The following TAF2 variants were observed in gnomAD, a reference collection of about 807,000 sequenced individuals.
The protein encoded by TAF2 is TATA-box binding protein associated factor 2, also known as transcription initiation factor TFIID subunit 2.
TAF2 carries 61 observed loss-of-function variants against 138.5 expected under a neutral mutation model. The ratio of observed to expected loss-of-function variants is 0.44; its 90% CI spans 0.36 to 0.54. The LOEUF is 0.54. Ranked by LOEUF, TAF2 falls within the 20% of genes least tolerant of loss-of-function variation. TAF2 has a pLI of 0.00. For synonymous variants in TAF2, 475 were observed against 469.9 expected, an observed-to-expected ratio of 1.01 and a Z score of -0.14; for missense variants, 1,090 against 1,427.9, an observed-to-expected ratio of 0.76 and a Z score of 3.81.
rs1452296452 is a variant in TAF2 at position 119,797,963 on chromosome 8, T to C, written c.793-117A>G. 3 of 993,138 alleles carry C rather than the reference T, an allele frequency of 3.0e-6. No individual in the cohort carries two copies. The Admixed American group carries it at 7.4e-5, about 24-fold the overall frequency. 61.5% of individuals were successfully genotyped at this position (993,138 alleles called of 1,614,324 possible). On this transcript the variant is annotated intron_variant, in intron 6 of 25. Coordinates refer to ENST00000378164, the MANE Select transcript of TAF2 (RefSeq NM_003184.4). ...CTCATAAATCTATTCTTTAATAATT[T>C]CAAGATGCTGAAAGAAAATGTTGTG... is the stretch of plus-strand genomic sequence containing the variant.
chr8:119,768,591 T>C (rs901338352), intron 18 of TAF2, among the ~76,000 whole-genome samples: 1 of 152,188 alleles, frequency 6.6e-6, no homozygotes, highest in Non-Finnish European at 1.5e-5. Context: ...TATGGTCAAT[T>C]TGGGGGAATG....
chr8:119,799,312 C>T (rs1230167742), intron 6 of TAF2, among the ~76,000 whole-genome samples: 1 of 152,004 alleles, frequency 6.6e-6, no homozygotes, highest in African/African-American at 2.4e-5. Flanking sequence ...CCCCATCCCC[C>T]CACCCCACGA....
intron 2 of TAF2, among the ~76,000 whole-genome samples, chr8:119,821,634 A>G (rs1177724671): frequency 2.6e-5 from 4 of 152,222 alleles, no homozygotes; most frequent in African/African-American, 7.2e-5. Flanking sequence ...CCCTGTATTC[A>G]AATCCTAGCT....
chr8:119,826,803 G>A (rs1270755847), intron 2 of TAF2, among the ~76,000 whole-genome samples: 1 of 152,078 alleles, frequency 6.6e-6, no homozygotes, highest in Non-Finnish European at 1.5e-5. Context: ...ATGTTGGCCG[G>A]TCTGGTCTCA....
chr8:119,761,119 T>C (rs1322391144), intron 19 of TAF2, among the ~76,000 whole-genome samples: 1 of 152,184 alleles, frequency 6.6e-6, no homozygotes, highest in Admixed American at 6.5e-5. Flanking sequence ...CAAGCTCCAT[T>C]TATCTTATGG....
chr8:119,811,369 A>AGAAGTAAACTTTTATG lies in TAF2; in HGVS notation c.300-4984_300-4969dup, dbSNP rs909837239. Among the ~76,000 whole-genome samples the AGAAGTAAACTTTTATG allele has an allele frequency of 9.1e-3, 1,378 of 152,182 alleles. 19 individuals carry two copies. Among genetic ancestry groups the AGAAGTAAACTTTTATG allele is most frequent in the African/African-American group, 0.032 (1,311 of 41,480 alleles). ...TCCCTCTATTTAAAAAATTTTTTAT[A>AGAAGTAAACTTTTATG]GAAGTAAACTTTTATGGAAGTAAAC... On this transcript the variant is annotated intron_variant, in intron 3 of 25. Transcript: ENST00000378164.
intron 1 of TAF2, among the ~76,000 whole-genome samples, 156 bp from the exon 2 acceptor site, chr8:119,831,887 G>A (rs1826471588): frequency 6.6e-6 from 1 of 152,172 alleles, no homozygotes; most frequent in African/African-American, 2.4e-5. Context: ...GGGGCCTGGT[G>A]CGGTGGCTCA....
chr8:119,804,795 G>T (rs999435471), intron 4 of TAF2, among the ~76,000 whole-genome samples: 1 of 152,026 alleles, frequency 6.6e-6, no homozygotes, highest in Non-Finnish European at 1.5e-5. Flanking sequence ...ACTTAACCCT[G>T]GGTGACTTTG....
At chr8:119,749,521 C>T (rs991405435) in intron 22 of TAF2, among the ~76,000 whole-genome samples, 3 of 152,066 alleles carry the variant, frequency 2.0e-5, no homozygotes, top group South Asian at 2.1e-4. Flanking sequence ...ATGGTTGTCA[C>T]GTTAGTACAT....
At position 119,787,026 on chromosome 8, in the gene TAF2, T is replaced by C. The variant is rs188262157; in HGVS notation, c.1793+1312A>G. ...ACTTTAGGACTAAACACCAAAAGCA[T>C]TGGCAACAAAAGTCAAAATTGACAA... is the stretch of plus-strand genomic sequence containing the variant. On this transcript the variant is annotated intron_variant, in intron 14 of 25. Coordinates refer to ENST00000378164, the MANE Select transcript of TAF2 (RefSeq NM_003184.4). Among the ~76,000 whole-genome samples the C allele has an allele frequency of 4.6e-3, 693 of 152,202 alleles. 10 individuals are homozygous for C. The highest frequency in any genetic ancestry group is 3.1e-3 in the Non-Finnish European group (214 of 68,006).
chr8:119,804,127 T>C, intron 4 of TAF2, 108 bp from the exon 5 acceptor site: 1 of 1,362,394 alleles, frequency 7.3e-7, no homozygotes. Context: ...GACTGAGATT[T>C]ATATGAAAAA....
chr8:119,802,126 CA>C, intron 5 of TAF2, 101 bp from the exon 6 acceptor site: 2 of 1,042,406 alleles, frequency 1.9e-6, no homozygotes, highest in Non-Finnish European at 2.8e-6. Flanking sequence ...AATGAACAAA[CA>C]AAACCTTTAG....
chr8:119,743,188 T>C (rs1056234690), intron 24 of TAF2, among the ~76,000 whole-genome samples: 3 of 152,080 alleles, frequency 2.0e-5, no homozygotes, highest in Non-Finnish European at 4.4e-5. Flanking sequence ...ATAATGGTCA[T>C]AAATGAAAAT....
At position 119,789,796 on chromosome 8, in the gene TAF2, T is replaced by G. The variant is rs778708692; in HGVS notation, c.1414-50A>C. 3.3e-6 allele frequency: 5 copies of G among 1,533,402 alleles called. No individual in the cohort carries two copies. In the South Asian group the frequency reaches 5.7e-5, roughly 18 times the overall value. 95.0% of individuals were successfully genotyped at this position (1,533,402 alleles called of 1,614,324 possible). On this transcript the variant is annotated intron_variant, in intron 11 of 25. Transcript: ENST00000378164. ...AATTCATATAACAGATTCTTTTCAA[T>G]TATATAGAATACTCACTTTGCATTA...
At chr8:119,808,092 GATATA>G (rs1824788279) in intron 3 of TAF2, among the ~76,000 whole-genome samples, 1 of 152,148 alleles carries the variant, frequency 6.6e-6, no homozygotes, top group South Asian at 2.1e-4. Flanking sequence ...AGTTAGGAAG[GATATA>G]ATATAACTAT....
At chr8:119,784,183 G>A (rs1313009151) in intron 15 of TAF2, among the ~76,000 whole-genome samples, 2 of 152,188 alleles carry the variant, frequency 1.3e-5, no homozygotes, top group Non-Finnish European at 2.9e-5. Flanking sequence ...AACACCACCT[G>A]TAATATTAAT....
intron 3 of TAF2, among the ~76,000 whole-genome samples, chr8:119,811,035 T>C (rs757219866): frequency 6.6e-6 from 1 of 152,126 alleles, no homozygotes; most frequent in Non-Finnish European, 1.5e-5. Flanking sequence ...AAAATTACAG[T>C]GTAAAATTAT....
At chr8:119,737,078 T>C (rs1819270228) in intron 25 of TAF2, among the ~76,000 whole-genome samples, 1 of 152,096 alleles carries the variant, frequency 6.6e-6, no homozygotes, top group African/African-American at 2.4e-5. Context: ...GAACTGGAAA[T>C]GTTAGATTCA....
chr8:119,814,000 T>C (rs949704558), intron 3 of TAF2, among the ~76,000 whole-genome samples: 1 of 152,056 alleles, frequency 6.6e-6, no homozygotes, highest in African/African-American at 2.4e-5. Flanking sequence ...GGCATGCACA[T>C]ATTGTTCCAG....
Sources: gnomAD v4.1 joint callset for allele counts (sites outside exome capture counted in the v4.1 genomes callset) on GRCh38, gnomAD v4.1.1 for gene constraint, MANE v1.5 for transcripts, NCBI Gene and HGNC (gene_info 2026-07-23, HGNC 2026-07-21) for gene names.